SMOC2: variants seen among roughly 807,000 people sequenced by gnomAD.
SMOC2 encodes SPARC related modular calcium binding 2.
SMOC2 carries 39 observed loss-of-function variants against 61.4 expected under a neutral mutation model. The ratio of observed to expected loss-of-function variants is 0.64; its 90% confidence interval spans 0.49 to 0.83. The LOEUF (loss-of-function observed/expected upper bound fraction) is 0.83, where lower values mean the gene tolerates loss of function less well. Among genes scored for constraint, SMOC2 ranks in the 40% least tolerant of loss-of-function variants. The pLI is 0.00. For synonymous variants in SMOC2, 247 were observed against 239.9 expected (o/e 1.03, Z -0.27); for missense variants, 556 against 592.9 (o/e 0.94, Z 0.65).
chr6:168,468,303 G>A (rs1202324174), intron 1 of SMOC2, among the ~76,000 whole-genome samples: 1 of 152,212 alleles, frequency 6.6e-6, no homozygotes, highest in Non-Finnish European at 1.5e-5. Context: ...TGCCAGCCTT[G>A]CTGGAATTCC....
intron 2 of SMOC2, among the ~76,000 whole-genome samples, chr6:168,519,421 G>T (rs1767385761): frequency 6.6e-6 from 1 of 152,288 alleles, no homozygotes; most frequent in African/African-American, 2.4e-5. Context: ...CTTGTGTCTT[G>T]CAGAAACTCT....
intron 9 of SMOC2, among the ~76,000 whole-genome samples, chr6:168,618,770 G>A (rs1786168827): frequency 6.6e-6 from 1 of 152,098 alleles, no homozygotes; most frequent in Non-Finnish European, 1.5e-5. Context: ...TTAGGCGATG[G>A]GGAAGGTGAC....
At chr6:168,630,032 T>C (rs56844641) in intron 9 of SMOC2, among the ~76,000 whole-genome samples, 4,673 of 152,194 alleles carry the variant, frequency 0.031, 265 homozygotes, top group African/African-American at 0.11. Context: ...TTTCTCAGGG[T>C]TCTGGGGCTG....
intron 9 of SMOC2, among the ~76,000 whole-genome samples, chr6:168,630,597 C>T (rs758149219): frequency 3.9e-5 from 6 of 152,164 alleles, no homozygotes; most frequent in Non-Finnish European, 8.8e-5. Flanking sequence ...AAAAGGATAA[C>T]AGCAATGTTC....
intron 12 of SMOC2, among the ~76,000 whole-genome samples, chr6:168,665,386 C>T (rs150381507): frequency 2.3e-3 from 356 of 152,376 alleles, no homozygotes; most frequent in Non-Finnish European, 4.0e-3. Context: ...AAGCCAGCTG[C>T]GGCTCCTACC....
rs1237157182 is a variant in SMOC2, at chr6:168,598,812, C to G, written c.638-6C>G. 1 of 1,613,548 alleles carries G rather than the reference C, an allele frequency of 6.2e-7. No homozygotes were observed. The highest frequency in any genetic ancestry group is 8.5e-7 in the Non-Finnish European group (1 of 1,179,662). On this transcript the variant is annotated splice_polypyrimidine_tract_variant and splice_region_variant and intron_variant, in intron 7 of 12. Transcript: ENST00000356284. ...TGCTCACCTTTTGCCTTCTTCTTCC[C>G]CGCAGTGTCATCCTGTGACCAAGAG...
rs7744997 is a variant in SMOC2, at chr6:168,455,138, C to T, written c.84+13684C>T. Among the ~76,000 whole-genome samples the T allele has an allele frequency of 9.4e-3, 1,424 of 152,174 alleles. 17 individuals are homozygous for T. Among genetic ancestry groups the T allele is most frequent in the African/African-American group, 0.032 (1,318 of 41,520 alleles). On this transcript the variant is annotated intron_variant, in intron 1 of 12. Transcript: ENST00000356284. Reference sequence around the variant, plus strand: ...TGAAGGGCCTTGGGAGGAACTGGGGCTTTGTCCAAGAACCAGGCCAGCTTG... The same window carrying T: ...TGAAGGGCCTTGGGAGGAACTGGGGTTTTGTCCAAGAACCAGGCCAGCTTG...
intron 1 of SMOC2, among the ~76,000 whole-genome samples, chr6:168,490,652 T>C (rs1782452963): frequency 6.6e-6 from 1 of 152,212 alleles, no homozygotes; most frequent in Admixed American, 6.5e-5. Context: ...TTTTAAAATG[T>C]CATGTGGACA....
At chr6:168,591,523 G>C (rs1785180335) in intron 7 of SMOC2, among the ~76,000 whole-genome samples, 1 of 152,072 alleles carries the variant, frequency 6.6e-6, no homozygotes, top group Admixed American at 6.6e-5. Flanking sequence ...GTTTGAGTGA[G>C]AATGAACTTA....
At chr6:168,558,686 C>T (rs1057155061) in intron 7 of SMOC2, among the ~76,000 whole-genome samples, 7 of 152,332 alleles carry the variant, frequency 4.6e-5, no homozygotes, top group South Asian at 4.1e-4. Flanking sequence ...GTGTGCACAT[C>T]GAGCTTGGTA....
intron 2 of SMOC2, among the ~76,000 whole-genome samples, chr6:168,523,811 G>C (rs544580778): frequency 1.2e-4 from 18 of 152,070 alleles, no homozygotes; most frequent in African/African-American, 3.9e-4. Flanking sequence ...AAACAGTTAG[G>C]GTTCTGCTTA....
chr6:168,501,205 A>G (rs1782719906), intron 1 of SMOC2, among the ~76,000 whole-genome samples: 1 of 152,226 alleles, frequency 6.6e-6, no homozygotes, highest in African/African-American at 2.4e-5. Flanking sequence ...TGAATCTCAA[A>G]TAAAACTGGA....
intron 9 of SMOC2, among the ~76,000 whole-genome samples, chr6:168,629,754 A>G (rs1786517932): frequency 6.6e-6 from 1 of 152,150 alleles, no homozygotes; most frequent in Non-Finnish European, 1.5e-5. Flanking sequence ...GTGTGTGGGG[A>G]AGCTGGTCCC....
intron 9 of SMOC2, among the ~76,000 whole-genome samples, chr6:168,628,767 C>T (rs1245910848): frequency 1.3e-5 from 2 of 152,260 alleles, no homozygotes; most frequent in African/African-American, 2.4e-5. Flanking sequence ...TAGATGCCTG[C>T]CTCTGAAGGC....
At chr6:168,584,248 T>A (rs905377770) in intron 7 of SMOC2, among the ~76,000 whole-genome samples, 1 of 152,228 alleles carries the variant, frequency 6.6e-6, no homozygotes, top group Non-Finnish European at 1.5e-5. Flanking sequence ...AGATAGCTCC[T>A]CCTGCGGACT....
At chr6:168,587,303 CA>C (rs1274361901) in intron 7 of SMOC2, among the ~76,000 whole-genome samples, 2 of 152,278 alleles carry the variant, frequency 1.3e-5, no homozygotes, top group African/African-American at 4.8e-5. Context: ...GTTGTGAACC[CA>C]AAGTATCTGT....
At chr6:168,576,521 G>T (rs1784808812) in intron 7 of SMOC2, among the ~76,000 whole-genome samples, 1 of 152,094 alleles carries the variant, frequency 6.6e-6, no homozygotes, top group African/African-American at 2.4e-5. Context: ...CTCCTGTGAG[G>T]ACCTTAGGGA....
intron 1 of SMOC2, among the ~76,000 whole-genome samples, chr6:168,487,038 T>C (rs1044001534): frequency 1.3e-5 from 2 of 152,200 alleles, no homozygotes; most frequent in Non-Finnish European, 1.5e-5. Flanking sequence ...AACATGAGAA[T>C]TAAGTGACAT....
intron 1 of SMOC2, among the ~76,000 whole-genome samples, chr6:168,473,557 C>T (rs1373265524): frequency 6.6e-6 from 1 of 152,170 alleles, no homozygotes; most frequent in Non-Finnish European, 1.5e-5. Context: ...TGAAACGTCT[C>T]CAGGTGACTG....
Sources: gnomAD v4.1 joint callset for allele counts (sites outside exome capture counted in the v4.1 genomes callset) on GRCh38, gnomAD v4.1.1 for gene constraint, MANE v1.5 for transcripts, NCBI Gene and HGNC (gene_info 2026-07-23, HGNC 2026-07-21) for gene names.